NME7: variants seen among roughly 807,000 people sequenced by gnomAD.
NME7 encodes NME/NM23 family member 7, also known as nucleoside diphosphate kinase 7.
NME7 carries 41 observed loss-of-function variants against 49.1 expected under a neutral mutation model. That is an observed-to-expected ratio of 0.83 (90% CI 0.65 to 1.08). The LOEUF (loss-of-function observed/expected upper bound fraction) is 1.08, where lower values mean the gene tolerates loss of function less well. NME7 is among the 50% of genes least tolerant of loss of function. The pLI is 0.00. For missense variants in NME7, 423 were observed against 463.4 expected (o/e 0.91, Z 0.80); for synonymous variants, 139 against 150.6 (o/e 0.92, Z 0.56).
At chr1:169,258,375 C>CATAT (rs71121749) in intron 7 of NME7, among the ~76,000 whole-genome samples, 2,817 of 86,404 alleles carry the variant, frequency 0.033, 200 homozygotes, top group African/African-American at 0.063. Flanking sequence ...TAAAATAAAA[C>CATAT]ATATATATAT....
chr1:169,367,639 G>A, intron 1 of NME7, 69 bp downstream of exon 1: 1 of 1,592,544 alleles, frequency 6.3e-7, no homozygotes, highest in Non-Finnish European at 8.6e-7. Flanking sequence ...GTGCCCATCC[G>A]CCCGAAGACT....
intron 1 of NME7, among the ~76,000 whole-genome samples, chr1:169,354,096 C>T (rs1415294080): frequency 6.6e-6 from 1 of 152,078 alleles, no homozygotes; most frequent in Non-Finnish European, 1.5e-5. Flanking sequence ...TATCTGCACT[C>T]CCATGTTTAT....
chr1:169,253,626 T>A (rs1316953441), intron 7 of NME7, among the ~76,000 whole-genome samples: 1 of 152,196 alleles, frequency 6.6e-6, no homozygotes, highest in African/African-American at 2.4e-5. Flanking sequence ...AGAGAGGGCA[T>A]CCCTGTCTTG....
chr1:169,307,651 A>C (rs138521567), intron 4 of NME7, among the ~76,000 whole-genome samples: 1 of 152,334 alleles, frequency 6.6e-6, no homozygotes, highest in East Asian at 1.9e-4. Context: ...ATACCAAGTC[A>C]TCAGACACTA....
At chr1:169,161,432 C>G (rs1659239228) in intron 11 of NME7, among the ~76,000 whole-genome samples, 1 of 152,198 alleles carries the variant, frequency 6.6e-6, no homozygotes, top group Admixed American at 6.5e-5. Context: ...TGGGGCCTGT[C>G]CAATCATCTT....
intron 9 of NME7, among the ~76,000 whole-genome samples, chr1:169,232,358 A>G (rs1331390534): frequency 6.7e-6 from 1 of 148,584 alleles, no homozygotes; most frequent in African/African-American, 2.4e-5. Context: ...TTAGAATCTC[A>G]GAAGAGAAGA....
At chr1:169,307,909 A>G (rs889338298) in intron 4 of NME7, among the ~76,000 whole-genome samples, 9 of 151,854 alleles carry the variant, frequency 5.9e-5, no homozygotes, top group African/African-American at 2.2e-4. Flanking sequence ...AGTTCCAGCT[A>G]CTTGGGAGGC....
At chr1:169,251,928 T>C (rs1648642803) in intron 7 of NME7, among the ~76,000 whole-genome samples, 1 of 150,506 alleles carries the variant, frequency 6.6e-6, no homozygotes, top group African/African-American at 2.4e-5. Flanking sequence ...CCATGGTGTA[T>C]ATGTGCCACA....
At chr1:169,215,542 A>C (rs1660951693) in intron 10 of NME7, among the ~76,000 whole-genome samples, 1 of 151,994 alleles carries the variant, frequency 6.6e-6, no homozygotes, top group Non-Finnish European at 1.5e-5. Flanking sequence ...TTTGTTGTAA[A>C]GAGAAGTGAC....
intron 7 of NME7, among the ~76,000 whole-genome samples, chr1:169,280,056 T>A (rs1649940499): frequency 6.6e-6 from 1 of 152,212 alleles, no homozygotes; most frequent in African/African-American, 2.4e-5. Flanking sequence ...CCACAATGGT[T>A]GAACTAATTT....
intron 5 of NME7, among the ~76,000 whole-genome samples, chr1:169,300,048 G>C (rs1188510901): frequency 1.3e-5 from 2 of 152,030 alleles, no homozygotes; most frequent in African/African-American, 2.4e-5. Context: ...TATGAATATG[G>C]CATGTAACAA....
intron 9 of NME7, 56 bp downstream of exon 9, chr1:169,235,075 C>T: frequency 1.0e-6 from 1 of 962,732 alleles, no homozygotes. Context: ...CAAAACACTG[C>T]ATCCTATACT....
intron 1 of NME7, 139 bp from the exon 2 acceptor site, chr1:169,324,639 A>G: frequency 1.7e-6 from 1 of 592,478 alleles, no homozygotes; most frequent in Non-Finnish European, 3.0e-6. Flanking sequence ...CTGCTTTTCA[A>G]CAAAGTATCA....
intron 7 of NME7, among the ~76,000 whole-genome samples, chr1:169,239,646 G>T (rs1400737293): frequency 2.0e-5 from 3 of 151,940 alleles, no homozygotes; most frequent in Non-Finnish European, 4.4e-5. Flanking sequence ...TAGTGACATG[G>T]GATTGCATAC....
At chr1:169,190,001 A>G (rs1440620609) in intron 10 of NME7, among the ~76,000 whole-genome samples, 4 of 152,210 alleles carry the variant, frequency 2.6e-5, no homozygotes, top group African/African-American at 9.6e-5. Context: ...TTCAAAAGAA[A>G]CTATGAAATA....
At chr1:169,173,043 T>C (rs1281994809) in intron 10 of NME7, among the ~76,000 whole-genome samples, 1 of 152,198 alleles carries the variant, frequency 6.6e-6, no homozygotes, top group African/African-American at 2.4e-5. Context: ...CTATTCAGAG[T>C]GTCAGGATGG....
chr1:169,256,270 T>A (rs1317473947), intron 7 of NME7, among the ~76,000 whole-genome samples: 1 of 133,612 alleles, frequency 7.5e-6, no homozygotes, highest in African/African-American at 2.5e-5. Flanking sequence ...TTTCTTTGTA[T>A]TCTTTTTTCT....
chr1:169,216,417 G>A (rs1660975518), intron 10 of NME7, among the ~76,000 whole-genome samples: 1 of 152,188 alleles, frequency 6.6e-6, no homozygotes, highest in Non-Finnish European at 1.5e-5. Context: ...AGAGCTTCCA[G>A]ATAGCTGAGC....
chr1:169,214,921 G>T (rs946568301), intron 10 of NME7, among the ~76,000 whole-genome samples: 22 of 152,226 alleles, frequency 1.4e-4, no homozygotes, highest in African/African-American at 5.1e-4. Flanking sequence ...AGCTCAGTGG[G>T]CCCTTTGCCT....
Sources: allele counts gnomAD v4.1 joint callset (sites outside exome capture counted in the v4.1 genomes callset), GRCh38; gene constraint gnomAD v4.1.1; transcripts MANE v1.5; gene names NCBI Gene and HGNC (gene_info 2026-07-23, HGNC 2026-07-21).